The following GFM1 variants were observed in gnomAD, a reference collection of about 807,000 sequenced individuals.
The protein encoded by GFM1 is elongation factor G, mitochondrial.
A neutral mutation model predicts 96.2 loss-of-function variants in GFM1; 62 were observed. The observed-to-expected ratio is 0.64, with a 90% CI of 0.53 to 0.80. GFM1 has a LOEUF of 0.80. Ranked by LOEUF, GFM1 falls within the 30% of genes least tolerant of loss-of-function variation. The pLI is 0.00. For synonymous variants in GFM1, 282 were observed against 312.9 expected, an observed-to-expected ratio of 0.90 and a Z score of 1.04; for missense variants, 852 against 916.6, an observed-to-expected ratio of 0.93 and a Z score of 0.91.
At chr3:158,649,195 T>A (rs765075991) in intron 5 of GFM1, 38 bp downstream of exon 5, 1 of 829,276 alleles carries the variant, frequency 1.2e-6, no homozygotes, top group Admixed American at 1.8e-5. Context: ...TTTTAAATTT[T>A]AAAAAGCATT....
intron 13 of GFM1, chr3:158,666,972 T>G (rs1391911028): frequency 6.4e-7 from 1 of 1,573,338 alleles, no homozygotes; most frequent in Non-Finnish European, 8.6e-7. Flanking sequence ...GGAGTCTCAG[T>G]TTTCAGAATG....
rs1400590022 is a variant in GFM1 at position 158,690,259 on chromosome 3, A to T, written c.2006A>T (p.Asn669Ile). ...CAGGGACAAGTAATTGCAGGAATTAACCGACGCCATGGGGTAATCACTGGG... is the reference window on the plus strand; with the variant it reads ...CAGGGACAAGTAATTGCAGGAATTATCCGACGCCATGGGGTAATCACTGGG... ...EFQGQVIAGI[N>I]RRHGVITGQD... Residue 669 changes from asparagine to isoleucine, a missense_variant, in exon 16 of 18, where the codon AAC becomes ATC. Asn to Ile is a moderately radical substitution (Grantham distance 149). Transcript: ENST00000486715. 6 of 1,613,870 alleles carry T rather than the reference A, an allele frequency of 3.7e-6. No homozygotes were observed. Among genetic ancestry groups the T allele is most frequent in the Non-Finnish European group, 4.2e-6 (5 of 1,179,866 alleles).
chr3:158,686,642 A>G (rs1470449843), intron 15 of GFM1, among the ~76,000 whole-genome samples: 5 of 118,612 alleles, frequency 4.2e-5, no homozygotes, highest in Non-Finnish European at 8.6e-5. Flanking sequence ...TTATTTAGGT[A>G]TAGTATATAT....
intron 4 of GFM1, among the ~76,000 whole-genome samples, chr3:158,648,356 T>G (rs1054391653): frequency 2.0e-5 from 3 of 152,152 alleles, no homozygotes; most frequent in Admixed American, 6.5e-5. Flanking sequence ...CCAGTGAGGA[T>G]TCTTGCCAGT....
chr3:158,673,712 T>G (rs116539728), intron 13 of GFM1, among the ~76,000 whole-genome samples: 2,223 of 151,768 alleles, frequency 0.015, 43 homozygotes, highest in African/African-American at 0.051. Context: ...GGGTTTAGGC[T>G]AGGCTGGTCT....
In GFM1 at chr3:158,649,073, A is replaced by G; in HGVS notation, c.605A>G (p.Gln202Arg). 1 of 1,561,648 alleles carries G rather than the reference A, an allele frequency of 6.4e-7. No individual in the cohort carries two copies. The highest frequency in any genetic ancestry group is 8.8e-7 in the Non-Finnish European group (1 of 1,132,646). Residue 202 changes from glutamine (Q) to arginine (R), a missense_variant, in exon 5 of 18, where the codon CAG (glutamine) becomes CGG (arginine). Physicochemically the swap from Gln to Arg is conservative, Grantham distance 43. Coordinates refer to ENST00000486715, the MANE Select transcript of GFM1 (RefSeq NM_024996.7). Reference sequence around the variant, plus strand: ...CTAAATCATAATGCAGCGTTTATGCAGATACCCATGGGTTTGGAGGGTAAT... The same window carrying G: ...CTAAATCATAATGCAGCGTTTATGCGGATACCCATGGGTTTGGAGGGTAAT... ...SKLNHNAAFM[Q>R]IPMGLEGNFK...
intron 12 of GFM1, 106 bp downstream of exon 12, chr3:158,665,580 T>C (rs563209083): frequency 2.1e-6 from 2 of 945,990 alleles, no homozygotes; most frequent in Non-Finnish European, 3.4e-6. Flanking sequence ...TGGTTCTTCA[T>C]GCGTCACTCT....
chr3:158,675,890 A>G (rs1034989567), intron 13 of GFM1, among the ~76,000 whole-genome samples: 11 of 151,488 alleles, frequency 7.3e-5, no homozygotes, highest in African/African-American at 2.7e-4. Context: ...ATGATTATGA[A>G]TTAACACAAT....
chr3:158,673,512 T>TTTC (rs1553851113), intron 13 of GFM1, among the ~76,000 whole-genome samples: 2 of 101,510 alleles, frequency 2.0e-5, no homozygotes, highest in Non-Finnish European at 4.1e-5. Flanking sequence ...TCTTTTCTTT[T>TTTC]TTTTTTTTTT....
At chr3:158,684,818 G>C (rs1363054556) in intron 15 of GFM1, 150 bp downstream of exon 15, 1 of 709,446 alleles carries the variant, frequency 1.4e-6, no homozygotes, top group Non-Finnish European at 2.4e-6. Context: ...ATGGACTTGA[G>C]ATCAAGGTAG....
chr3:158,681,910 C>A (rs922798585), intron 13 of GFM1, 85 bp from the exon 14 acceptor site: 1 of 1,106,538 alleles, frequency 9.0e-7, no homozygotes, highest in South Asian at 1.4e-5. Flanking sequence ...TAAAAATAAT[C>A]AAATGTGTTC....
chr3:158,687,586 G>A (rs868819171), intron 15 of GFM1, among the ~76,000 whole-genome samples: 14 of 152,180 alleles, frequency 9.2e-5, no homozygotes, highest in African/African-American at 3.4e-4. Context: ...TCCTGCCTCA[G>A]CCTCCCAAGT....
intron 13 of GFM1, among the ~76,000 whole-genome samples, chr3:158,671,449 T>A (rs1303514597): frequency 1.3e-5 from 2 of 152,228 alleles, no homozygotes; most frequent in African/African-American, 4.8e-5. Flanking sequence ...GGCAGATTAC[T>A]GCAAAGCAAT....
chr3:158,683,771 G>A (rs576929907), intron 14 of GFM1, among the ~76,000 whole-genome samples: 2 of 152,262 alleles, frequency 1.3e-5, no homozygotes, highest in South Asian at 4.1e-4. Flanking sequence ...GTTGAGTTGA[G>A]TAATTCCTGA....
rs372189223 is a variant in GFM1, at chr3:158,645,793, C to T, written c.234+12C>T. 35 of 1,596,612 alleles carry T rather than the reference C, an allele frequency of 2.2e-5. No individual in the cohort carries two copies. Among genetic ancestry groups the T allele is most frequent in the African/African-American group, 1.3e-4 (10 of 74,580 alleles). ...CAAAGATGCATGAGGTATATATTCA[C>T]GGTTGATTCCGGATTAATTAGAACC... On this transcript the variant is annotated intron_variant, in intron 2 of 17. Transcript: ENST00000486715.
chr3:158,658,742 A>T (rs1234435819), intron 8 of GFM1, among the ~76,000 whole-genome samples, 180 bp from the exon 9 acceptor site: 1 of 152,256 alleles, frequency 6.6e-6, no homozygotes, highest in Non-Finnish European at 1.5e-5. Context: ...GATGAATAAC[A>T]GCCATTTATC....
chr3:158,650,226 T>G (rs575884066), intron 5 of GFM1: 1 of 626,422 alleles, frequency 1.6e-6, no homozygotes, highest in African/African-American at 1.8e-5. Flanking sequence ...CCTTAGGATA[T>G]AAGGCCCAGT....
chr3:158,688,689 T>C (rs1726066617), intron 15 of GFM1, among the ~76,000 whole-genome samples: 1 of 152,184 alleles, frequency 6.6e-6, no homozygotes, highest in Admixed American at 6.5e-5. Context: ...TACTCTAAAA[T>C]TGTTAGTGTG....
At position 158,667,887 on chromosome 3, in the gene GFM1, G is replaced by T. The variant is rs1041242338; in HGVS notation, c.1601+1501G>T. Among the ~76,000 whole-genome samples, 2 of 152,124 alleles carry T rather than the reference G, an allele frequency of 1.3e-5. 1 individual carries two copies. Among genetic ancestry groups the T allele is most frequent in the South Asian group, 4.1e-4 (2 of 4,830 alleles). On this transcript the variant is annotated intron_variant, in intron 13 of 17. Coordinates refer to ENST00000486715, the MANE Select transcript of GFM1 (RefSeq NM_024996.7). ...TGTAATTAAAGCTTTTTTCTGTACT[G>T]TACAGTAGAGGGAAAAAACAGATAG...
Sources: allele counts gnomAD v4.1 joint callset (sites outside exome capture counted in the v4.1 genomes callset), GRCh38; gene constraint gnomAD v4.1.1; transcripts MANE v1.5; gene names NCBI Gene and HGNC (gene_info 2026-07-23, HGNC 2026-07-21).